PKN2: variants seen among roughly 807,000 people sequenced by gnomAD.
The protein encoded by PKN2 is serine/threonine-protein kinase N2.
Under a neutral mutation model 119.1 loss-of-function variants are expected in PKN2, and 38 were observed. That is an observed-to-expected ratio of 0.32 (90% confidence interval 0.25 to 0.42). The LOEUF (loss-of-function observed/expected upper bound fraction) is 0.42. PKN2 is among the 10% of genes least tolerant of loss of function. The pLI is 1.00. For synonymous variants in PKN2, 390 were observed against 384.9 expected (o/e 1.01, Z -0.15); for missense variants, 850 against 1,165.1 (o/e 0.73, Z 3.94).
chr1:88,767,858 T>C (rs1449444917), intron 3 of PKN2, among the ~76,000 whole-genome samples: 1 of 152,208 alleles, frequency 6.6e-6, no homozygotes, highest in Non-Finnish European at 1.5e-5. Flanking sequence ...ATCTCCAATC[T>C]CTTTCTTCTT....
chr1:88,805,760 T>C, intron 11 of PKN2, 89 bp downstream of exon 11: 1 of 1,598,772 alleles, frequency 6.3e-7, no homozygotes, highest in Non-Finnish European at 8.5e-7. Flanking sequence ...GAGTCTTGCT[T>C]TTTTCCCAAG....
At chr1:88,752,716 A>G (rs1451003794) in intron 2 of PKN2, among the ~76,000 whole-genome samples, 4 of 152,066 alleles carry the variant, frequency 2.6e-5, no homozygotes, top group Admixed American at 2.0e-4. Context: ...TGTTATTAAT[A>G]TAGGTTGTGG....
intron 6 of PKN2, among the ~76,000 whole-genome samples, chr1:88,772,249 C>T (rs1046282099): frequency 1.3e-5 from 2 of 152,138 alleles, no homozygotes; most frequent in African/African-American, 4.8e-5. Flanking sequence ...TAATTTGTGA[C>T]CTTTTTTGCC....
chr1:88,713,714 C>G (rs1231095305), intron 1 of PKN2, among the ~76,000 whole-genome samples: 1 of 152,248 alleles, frequency 6.6e-6, no homozygotes, highest in East Asian at 1.9e-4. Flanking sequence ...AAAATTTTCT[C>G]CCATTCTGTA....
At chr1:88,765,583 C>G (rs1669636890) in intron 3 of PKN2, among the ~76,000 whole-genome samples, 1 of 152,182 alleles carries the variant, frequency 6.6e-6, no homozygotes, top group Admixed American at 6.5e-5. Context: ...CCACGACAAT[C>G]AAGTTACTTC....
chr1:88,753,581 G>A (rs984241352), intron 2 of PKN2, among the ~76,000 whole-genome samples: 3 of 151,896 alleles, frequency 2.0e-5, no homozygotes, highest in African/African-American at 7.3e-5. Context: ...ACATGATGCT[G>A]GCATCTGCTT....
chr1:88,738,431 T>G (rs1668441010), intron 1 of PKN2, among the ~76,000 whole-genome samples: 2 of 152,176 alleles, frequency 1.3e-5, no homozygotes, highest in South Asian at 4.1e-4. Context: ...TTGAAAGAGA[T>G]AACTGCAGGA....
chr1:88,709,795 C>T (rs956704119), intron 1 of PKN2, among the ~76,000 whole-genome samples: 1 of 152,160 alleles, frequency 6.6e-6, no homozygotes, highest in Non-Finnish European at 1.5e-5. Context: ...TGCTGGGTCT[C>T]CAGTTGAACA....
intron 12 of PKN2, chr1:88,806,306 G>T (rs1197382309): frequency 1.8e-5 from 6 of 335,164 alleles, no homozygotes; most frequent in African/African-American, 4.4e-5. Flanking sequence ...AATAACTGGG[G>T]TTACAGGCAC....
intron 6 of PKN2, among the ~76,000 whole-genome samples, chr1:88,774,994 C>T (rs1275473824): frequency 6.6e-6 from 1 of 152,198 alleles, no homozygotes; most frequent in Non-Finnish European, 1.5e-5. Flanking sequence ...TAGGCGTGAG[C>T]CACTATGCCC....
chr1:88,695,822 T>A (rs192919933), intron 1 of PKN2, among the ~76,000 whole-genome samples: 1 of 152,198 alleles, frequency 6.6e-6, no homozygotes, highest in African/African-American at 2.4e-5. Flanking sequence ...GGCTCTTGGC[T>A]TAAAAATAAG....
chr1:88,694,908 C>T (rs1358927821), intron 1 of PKN2, among the ~76,000 whole-genome samples: 2 of 152,056 alleles, frequency 1.3e-5, no homozygotes, highest in African/African-American at 2.4e-5. Flanking sequence ...AAGGCCAAGG[C>T]GGGCAGATCA....
At chr1:88,792,526 C>T (rs1341267977) in intron 8 of PKN2, among the ~76,000 whole-genome samples, 1 of 152,170 alleles carries the variant, frequency 6.6e-6, no homozygotes, top group Non-Finnish European at 1.5e-5. Context: ...GAGCACAAGC[C>T]TACATTTCCA....
intron 6 of PKN2, among the ~76,000 whole-genome samples, chr1:88,784,132 CTTTTTTTTTTTT>C (rs397862410): frequency 1.9e-5 from 2 of 103,950 alleles, no homozygotes; most frequent in Admixed American, 1.1e-4. Flanking sequence ...GATGCTGTTC[CTTTTTTTTTTTT>C]TTTTTTTTTT....
intron 1 of PKN2, among the ~76,000 whole-genome samples, chr1:88,737,280 C>T (rs1047706131): frequency 6.6e-6 from 1 of 152,150 alleles, no homozygotes; most frequent in Non-Finnish European, 1.5e-5. Flanking sequence ...TGAGTCTATT[C>T]CACTGAGGCC....
At chr1:88,721,434 T>C (rs1570530339) in intron 1 of PKN2, among the ~76,000 whole-genome samples, 1 of 152,198 alleles carries the variant, frequency 6.6e-6, no homozygotes, top group African/African-American at 2.4e-5. Flanking sequence ...ATTATCATTA[T>C]TTCTTATATT....
At chr1:88,819,568 A>G (rs1198533791) in intron 16 of PKN2, among the ~76,000 whole-genome samples, 1 of 152,180 alleles carries the variant, frequency 6.6e-6, no homozygotes, top group East Asian at 1.9e-4. Flanking sequence ...TGTTGGTGGG[A>G]GTGTAAATTA....
intron 16 of PKN2, among the ~76,000 whole-genome samples, chr1:88,817,408 CAAAA>C (rs531465698): frequency 2.4e-5 from 2 of 84,766 alleles, no homozygotes; most frequent in African/African-American, 4.1e-5. Context: ...GACTCTGTCT[CAAAA>C]AAAAAAAAAA....
chr1:88,685,283 A>G (rs540926301), intron 1 of PKN2: 1 of 150,654 alleles, frequency 6.6e-6, no homozygotes, highest in African/African-American at 2.4e-5. Flanking sequence ...AGTGATAAAT[A>G]CAGGGTGCCT....
Sources: gnomAD v4.1 joint callset for allele counts (sites outside exome capture counted in the v4.1 genomes callset) on GRCh38, gnomAD v4.1.1 for gene constraint, MANE v1.5 for transcripts, NCBI Gene and HGNC (gene_info 2026-07-23, HGNC 2026-07-21) for gene names.